Variants in CNTNAP2 observed in about 807,000 individuals in gnomAD.
The protein encoded by CNTNAP2 is contactin-associated protein-like 2.
CNTNAP2 carries 98 observed loss-of-function variants against 155.2 expected under a neutral mutation model. That is an observed-to-expected ratio of 0.63 (90% CI 0.54 to 0.75). The LOEUF is 0.75. Ranked by LOEUF, CNTNAP2 falls within the 30% of genes least tolerant of loss-of-function variation. The pLI, the probability that CNTNAP2 is intolerant of heterozygous loss-of-function variation, is 0.00. For missense variants in CNTNAP2, 1,727 were observed against 1,688.1 expected (o/e 1.02, Z -0.40); for synonymous variants, 651 against 631.2 (o/e 1.03, Z -0.47).
intron 13 of CNTNAP2, among the ~76,000 whole-genome samples, chr7:147,869,759 T>G (rs1049849307): frequency 6.6e-6 from 1 of 152,212 alleles, no homozygotes; most frequent in African/African-American, 2.4e-5. Context: ...TATGGAATGA[T>G]GTAAAACATA....
At chr7:147,703,271 T>C (rs1796263098) in intron 13 of CNTNAP2, among the ~76,000 whole-genome samples, 1 of 152,196 alleles carries the variant, frequency 6.6e-6, no homozygotes, top group Non-Finnish European at 1.5e-5. Flanking sequence ...CTACTAGTTC[T>C]CACACACTGG....
intron 11 of CNTNAP2, among the ~76,000 whole-genome samples, chr7:147,489,661 G>A (rs1584766698): frequency 6.6e-6 from 1 of 152,150 alleles, no homozygotes; most frequent in Non-Finnish European, 1.5e-5. Flanking sequence ...TGTCACCCAG[G>A]CTTGAGTGCA....
intron 18 of CNTNAP2, among the ~76,000 whole-genome samples, chr7:148,206,201 AAT>A (rs1795446840): frequency 6.8e-6 from 1 of 148,094 alleles, no homozygotes; most frequent in Non-Finnish European, 1.5e-5. Flanking sequence ...AATTACATAT[AAT>A]ATATATTATA....
chr7:147,444,749 G>C (rs1309609922), intron 10 of CNTNAP2, among the ~76,000 whole-genome samples: 1 of 152,114 alleles, frequency 6.6e-6, no homozygotes, highest in African/African-American at 2.4e-5. Flanking sequence ...GCAAGTGCAG[G>C]AGGAAAGCAC....
At chr7:147,311,561 T>G (rs1352909601) in intron 9 of CNTNAP2, among the ~76,000 whole-genome samples, 5 of 152,162 alleles carry the variant, frequency 3.3e-5, no homozygotes, top group Admixed American at 2.6e-4. Context: ...CAGCCAACTC[T>G]GACCTCAGGT....
chr7:147,330,926 A>T (rs1368924944), intron 9 of CNTNAP2, among the ~76,000 whole-genome samples: 1 of 152,178 alleles, frequency 6.6e-6, no homozygotes, highest in East Asian at 1.9e-4. Context: ...AAAGGATTTG[A>T]AGAGAAATGA....
At chr7:147,453,731 C>T (rs779343830) in intron 10 of CNTNAP2, among the ~76,000 whole-genome samples, 17 of 152,062 alleles carry the variant, frequency 1.1e-4, no homozygotes, top group Admixed American at 2.0e-4. Context: ...AACAAACTCC[C>T]ATGACACAAG....
At chr7:146,888,510 A>G (rs1363466793) in intron 3 of CNTNAP2, among the ~76,000 whole-genome samples, 1 of 152,104 alleles carries the variant, frequency 6.6e-6, no homozygotes, top group Non-Finnish European at 1.5e-5. Flanking sequence ...CTATATTCTA[A>G]TGCTTTCCTT....
intron 8 of CNTNAP2, among the ~76,000 whole-genome samples, chr7:147,211,806 G>C (rs1603454): frequency 0.045 from 6,788 of 152,038 alleles, 275 homozygotes; most frequent in African/African-American, 0.1. Context: ...TGACAGGTGG[G>C]ATCCAATTAA....
At chr7:147,055,126 C>T (rs1192554249) in intron 4 of CNTNAP2, among the ~76,000 whole-genome samples, 2 of 152,102 alleles carry the variant, frequency 1.3e-5, no homozygotes, top group East Asian at 1.9e-4. Context: ...CCCTCAGGCA[C>T]CCCCAAATAA....
chr7:146,154,460 A>G (rs1798096005), intron 1 of CNTNAP2, among the ~76,000 whole-genome samples: 1 of 152,196 alleles, frequency 6.6e-6, no homozygotes, highest in Non-Finnish European at 1.5e-5. Flanking sequence ...AGACAAAGAC[A>G]GCATGATACA....
intron 2 of CNTNAP2, among the ~76,000 whole-genome samples, chr7:146,833,414 T>C (rs375755414): frequency 2.0e-4 from 30 of 152,240 alleles, no homozygotes; most frequent in African/African-American, 5.5e-4. Context: ...ATCTCCCCTG[T>C]TTTTTGTGCT....
chr7:148,029,147 C>A (rs1406183157), intron 15 of CNTNAP2, among the ~76,000 whole-genome samples: 1 of 152,140 alleles, frequency 6.6e-6, no homozygotes, highest in Non-Finnish European at 1.5e-5. Context: ...AGTGAGTTTT[C>A]ACCATTCTAT....
intron 1 of CNTNAP2, among the ~76,000 whole-genome samples, chr7:146,701,373 G>A (rs1800875390): frequency 6.6e-6 from 1 of 152,074 alleles, no homozygotes; most frequent in Admixed American, 6.5e-5. Flanking sequence ...CAGAGGTCCA[G>A]CAGAATCCTA....
chr7:146,635,680 C>G lies in CNTNAP2; in HGVS notation c.98-138591C>G, dbSNP rs370312501. On this transcript the variant is annotated intron_variant, in intron 1 of 23. Transcript: ENST00000361727. ...TTCCACTCACAGCAAAGCCCGTATG[C>G]TCCAGGAATTGTTAGTAATTGCTGT... Among the ~76,000 whole-genome samples, 6 of 152,174 alleles carry G rather than the reference C, an allele frequency of 3.9e-5. No homozygotes were observed. In the East Asian group the frequency reaches 1.2e-3, roughly 29 times the overall value.
intron 16 of CNTNAP2, among the ~76,000 whole-genome samples, chr7:148,140,930 ATC>A (rs1805053106): frequency 6.6e-6 from 1 of 152,220 alleles, no homozygotes; most frequent in African/African-American, 2.4e-5. Flanking sequence ...AGTTCTGAAA[ATC>A]TCTCTGTTGA....
intron 9 of CNTNAP2, among the ~76,000 whole-genome samples, chr7:147,338,372 A>G (rs1795700280): frequency 6.6e-6 from 1 of 152,204 alleles, no homozygotes; most frequent in South Asian, 2.1e-4. Context: ...TCACAGAATC[A>G]AATAAAATTA....
At chr7:147,553,128 A>G (rs116500953) in intron 11 of CNTNAP2, among the ~76,000 whole-genome samples, 3,349 of 152,300 alleles carry the variant, frequency 0.022, 124 homozygotes, top group African/African-American at 0.077. Flanking sequence ...CAGTGATAAC[A>G]TTCTGACTTG....
intron 11 of CNTNAP2, among the ~76,000 whole-genome samples, chr7:147,520,037 C>T (rs2116705065): frequency 6.6e-6 from 1 of 152,208 alleles, no homozygotes; most frequent in African/African-American, 2.4e-5. Flanking sequence ...TTCAAGGAGT[C>T]ATTGAAAGCT....
Sources: allele counts gnomAD v4.1 joint callset (sites outside exome capture counted in the v4.1 genomes callset), GRCh38; gene constraint gnomAD v4.1.1; transcripts MANE v1.5; gene names NCBI Gene and HGNC (gene_info 2026-07-23, HGNC 2026-07-21).